The following MYCBP2 variants were observed in gnomAD, a reference collection of about 807,000 sequenced individuals.
MYCBP2 encodes MYC binding protein 2.
A neutral mutation model predicts 525.3 loss-of-function variants in MYCBP2; 120 were observed. The observed-to-expected ratio is 0.23, with a 90% CI of 0.20 to 0.27. The LOEUF (loss-of-function observed/expected upper bound fraction) is 0.27. Ranked by LOEUF, MYCBP2 falls within the 10% of genes least tolerant of loss-of-function variation. MYCBP2 has a pLI of 1.00. For missense variants in MYCBP2, 4,149 were observed against 5,657.1 expected, an observed-to-expected ratio of 0.73 and a Z score of 8.55; for synonymous variants, 1,894 against 1,955.8, an observed-to-expected ratio of 0.97 and a Z score of 0.83.
chr13:77,285,403 G>C (rs577584121), intron 3 of MYCBP2, among the ~76,000 whole-genome samples: 16 of 152,128 alleles, frequency 1.1e-4, no homozygotes, highest in Admixed American at 5.2e-4. Flanking sequence ...ATCTCTCCTA[G>C]TTAAGCATAA....
chr13:77,260,661 A>G (rs2073110092), intron 12 of MYCBP2, 69 bp from the exon 13 acceptor site: 1 of 1,319,332 alleles, frequency 7.6e-7, no homozygotes, highest in Non-Finnish European at 1.0e-6. Context: ...GTTTGTATAT[A>G]AAGCTAAAAA....
At chr13:77,238,736 G>A (rs1251724802) in intron 17 of MYCBP2, among the ~76,000 whole-genome samples, 1 of 152,184 alleles carries the variant, frequency 6.6e-6, no homozygotes, top group African/African-American at 2.4e-5. Context: ...GCTTTCTTGG[G>A]TTTCAATAAC....
At chr13:77,172,162 G>A (rs1488312818) in intron 37 of MYCBP2, among the ~76,000 whole-genome samples, 1 of 151,848 alleles carries the variant, frequency 6.6e-6, no homozygotes, top group East Asian at 1.9e-4. Flanking sequence ...GACTCCCAAA[G>A]TGCTGGGATT....
intron 3 of MYCBP2, among the ~76,000 whole-genome samples, chr13:77,283,476 C>T (rs1243398184): frequency 6.6e-6 from 1 of 152,108 alleles, no homozygotes; most frequent in Non-Finnish European, 1.5e-5. Context: ...ATGCTGGCTA[C>T]AAATTCAAAA....
chr13:77,220,473 C>T (rs1232658960), intron 20 of MYCBP2, among the ~76,000 whole-genome samples: 1 of 152,096 alleles, frequency 6.6e-6, no homozygotes, highest in Admixed American at 6.6e-5. Flanking sequence ...GGCAATATAA[C>T]ACATTAAATA....
chr13:77,173,689 T>C (rs1595123609), intron 37 of MYCBP2, among the ~76,000 whole-genome samples: 1 of 152,212 alleles, frequency 6.6e-6, no homozygotes, highest in Non-Finnish European at 1.5e-5. Context: ...ATGGTACTCA[T>C]GACTACCTAA....
intron 52 of MYCBP2, among the ~76,000 whole-genome samples, chr13:77,137,688 C>T (rs889515543): frequency 1.3e-5 from 2 of 152,026 alleles, no homozygotes; most frequent in Admixed American, 1.3e-4. Context: ...TCCTGAGTTC[C>T]AGCGATTCTC....
intron 1 of MYCBP2, among the ~76,000 whole-genome samples, chr13:77,308,506 G>C (rs1223028842): frequency 6.6e-6 from 1 of 152,156 alleles, no homozygotes; most frequent in Non-Finnish European, 1.5e-5. Context: ...CCATACAATA[G>C]GGTGAAAACA....
intron 79 of MYCBP2, 128 bp from the exon 80 acceptor site, chr13:77,055,895 A>T: frequency 3.0e-6 from 2 of 662,436 alleles, no homozygotes; most frequent in East Asian, 5.5e-5. Flanking sequence ...TCTAAATAAA[A>T]TGTCATTTGA....
chr13:77,172,146 A>G (rs1188595623), intron 37 of MYCBP2, among the ~76,000 whole-genome samples: 1 of 151,484 alleles, frequency 6.6e-6, no homozygotes, highest in Non-Finnish European at 1.5e-5. Context: ...TGATCCACCC[A>G]TCTTGGACTC....
At chr13:77,314,448 C>A (rs2080678139) in intron 1 of MYCBP2, among the ~76,000 whole-genome samples, 1 of 152,118 alleles carries the variant, frequency 6.6e-6, no homozygotes, top group Non-Finnish European at 1.5e-5. Flanking sequence ...AAGAAATGAG[C>A]TATCAAGTCT....
At chr13:77,078,948 G>A in intron 65 of MYCBP2, 59 bp from the exon 66 acceptor site, 2 of 1,397,044 alleles carry the variant, frequency 1.4e-6, no homozygotes, top group Non-Finnish European at 2.0e-6. Context: ...AACTTACAAT[G>A]GTTTCTCATG....
intron 1 of MYCBP2, among the ~76,000 whole-genome samples, chr13:77,325,186 C>T (rs1567267792): frequency 6.6e-6 from 1 of 152,204 alleles, no homozygotes; most frequent in Non-Finnish European, 1.5e-5. Flanking sequence ...GCCATGATAC[C>T]TAGTGATAAG....
chr13:77,233,331 AT>A, intron 17 of MYCBP2, 68 bp from the exon 18 acceptor site: 32 of 1,212,056 alleles, frequency 2.6e-5, no homozygotes, highest in Non-Finnish European at 3.8e-5. Context: ...TGAACAAAAA[AT>A]AATTCAAACT....
chr13:77,234,207 T>C (rs996257367), intron 17 of MYCBP2, among the ~76,000 whole-genome samples: 4 of 151,988 alleles, frequency 2.6e-5, no homozygotes, highest in African/African-American at 9.7e-5. Context: ...ACAGCAGAAC[T>C]ATAGTTTCCT....
intron 20 of MYCBP2, among the ~76,000 whole-genome samples, chr13:77,220,547 C>T (rs1408715861): frequency 6.6e-6 from 1 of 152,150 alleles, no homozygotes; most frequent in African/African-American, 2.4e-5. Context: ...TGATCTTAAA[C>T]AACACATTAT....
intron 1 of MYCBP2, among the ~76,000 whole-genome samples, chr13:77,320,440 C>T (rs2081455155): frequency 6.6e-6 from 1 of 152,174 alleles, no homozygotes; most frequent in Admixed American, 6.5e-5. Context: ...GCCAACTCTT[C>T]TTTGCAGAAG....
chr13:77,307,075 T>C (rs9593224), intron 1 of MYCBP2, among the ~76,000 whole-genome samples: 4,563 of 152,148 alleles, frequency 0.03, 239 homozygotes, highest in African/African-American at 0.1. Flanking sequence ...ATTTAAGATC[T>C]AGAAAACAGA....
chr13:77,176,613 C>G lies in MYCBP2; in HGVS notation c.5356G>C (p.Asp1786His), dbSNP rs1337526560. ...GTCCATCTGTGGGAATGAGTTGAAT[C>G]TCCTGCATGTTCACTCTAAAAAAAA... ...VLVDDSEHAG[D>H]STHSHRWTSL... Residue 1786 changes from aspartate (D) to histidine (H), a missense_variant, in exon 36 of 83, where the codon GAT (aspartate) becomes CAT (histidine). By Grantham distance (81) the Asp-to-His change is moderately conservative. Around this residue, in one of 21 missense-constraint regions of MYCBP2, gnomAD observed 109 missense variants for 118.9 expected, o/e 0.92. Coordinates refer to ENST00000544440, the MANE Select transcript of MYCBP2 (RefSeq NM_015057.5). 1 of 1,562,882 alleles carries G rather than the reference C, an allele frequency of 6.4e-7. No homozygotes were observed. Among genetic ancestry groups the G allele is most frequent in the Non-Finnish European group, 8.7e-7 (1 of 1,149,812 alleles).
Sources: gnomAD v4.1 joint callset for allele counts (sites outside exome capture counted in the v4.1 genomes callset) on GRCh38, gnomAD v4.1.1 for gene constraint, gnomAD v4.1.1 regional missense constraint, MANE v1.5 for transcripts, NCBI Gene and HGNC (gene_info 2026-07-23, HGNC 2026-07-21) for gene names.